ARHGDIB: variants seen among roughly 807,000 people sequenced by gnomAD.
The protein encoded by ARHGDIB is rho GDP-dissociation inhibitor 2.
ARHGDIB carries 20 observed loss-of-function variants against 22.6 expected under a neutral mutation model. The ratio of observed to expected loss-of-function variants is 0.88; its 90% CI spans 0.62 to 1.28. ARHGDIB has a LOEUF of 1.28. Among genes scored for constraint, ARHGDIB ranks in the 50% most tolerant of loss-of-function variants. The pLI is 0.00. For missense variants in ARHGDIB, 254 were observed against 245.4 expected (o/e 1.04, Z -0.23); for synonymous variants, 114 against 96.1 (o/e 1.19, Z -1.09).
chr12:14,951,825 T>A (rs982589097), intron 1 of ARHGDIB, among the ~76,000 whole-genome samples: 1 of 151,808 alleles, frequency 6.6e-6, no homozygotes, highest in Non-Finnish European at 1.5e-5. Flanking sequence ...AATGAACCAC[T>A]GGGGTTCATG....
Position 14,942,204 on chromosome 12 carries a change from A to T in ARHGDIB, c.*318T>A. 3.1e-6 allele frequency: 1 copy of T among 322,088 alleles called. No individual in the cohort carries two copies. Among genetic ancestry groups the T allele is most frequent in the East Asian group, 6.5e-5 (1 of 15,280 alleles). The allele number at this position is 322,088 out of a possible 1,614,324, so 20.0% of individuals were successfully genotyped here. A position where few individuals can be genotyped will look rare whatever the true frequency, so the allele number is the denominator to read the frequency against. On this transcript the variant is annotated 3_prime_UTR_variant, in exon 6 of 6. Transcript: ENST00000228945. ...CCTGAGTCAAAGACCTGTTAGTGATAATTTGCCCATTTTCTGGCCTCTAGT... is the reference window on the plus strand; with the variant it reads ...CCTGAGTCAAAGACCTGTTAGTGATTATTTGCCCATTTTCTGGCCTCTAGT...
chr12:14,945,131 A>G (rs1025434075), intron 4 of ARHGDIB, among the ~76,000 whole-genome samples: 9 of 152,260 alleles, frequency 5.9e-5, no homozygotes, highest in East Asian at 1.9e-4. Flanking sequence ...TCTTCATTGT[A>G]TTTCTCCTTT....
chr12:14,959,070 C>T (rs1253085253), intron 1 of ARHGDIB, among the ~76,000 whole-genome samples: 4 of 152,204 alleles, frequency 2.6e-5, no homozygotes, highest in African/African-American at 7.2e-5. Flanking sequence ...CTGCAGTGAG[C>T]TGCGTTCACG....
At chr12:14,957,825 G>C (rs1220389556) in intron 1 of ARHGDIB, among the ~76,000 whole-genome samples, 1 of 151,560 alleles carries the variant, frequency 6.6e-6, no homozygotes, top group African/African-American at 2.4e-5. Flanking sequence ...ATAGCGATGA[G>C]AGAGAGAGAA....
Position 14,944,771 on chromosome 12 carries a change from C to G in ARHGDIB, c.406+5G>C. 8.1e-6 allele frequency: 13 copies of G among 1,612,468 alleles called. No homozygotes were observed. Among genetic ancestry groups the G allele is most frequent in the Non-Finnish European group, 1.1e-5 (13 of 1,179,144 alleles). Reference sequence around the variant, plus strand: ...GGGACAGTGTGGAAATGTGGGTTCCCTTACCTTTCACCCCAGTCCTGTAGG... The same window carrying G: ...GGGACAGTGTGGAAATGTGGGTTCCGTTACCTTTCACCCCAGTCCTGTAGG... On this transcript the variant is annotated splice_donor_5th_base_variant and intron_variant, in intron 5 of 5. Transcript: ENST00000228945.
chr12:14,949,927 G>A, intron 2 of ARHGDIB, 42 bp from the exon 3 acceptor site: 11 of 1,544,558 alleles, frequency 7.1e-6, no homozygotes, highest in Non-Finnish European at 9.8e-6. Context: ...GAAGAGACAT[G>A]TGTATAGTGG....
rs930173782 is a variant in ARHGDIB at position 14,942,286 on chromosome 12, C to T, written c.*236G>A. ...AAATGATTGTGTACTGAGATGGAGA[C>T]GTGGAAGATCTGGCCCTGATGGAGG... On this transcript the variant is annotated 3_prime_UTR_variant, in exon 6 of 6. Transcript: ENST00000228945. The T allele has an allele frequency of 1.3e-5, 7 of 547,676 alleles. No individual in the cohort carries two copies. Among genetic ancestry groups the T allele is most frequent in the Admixed American group, 6.2e-5 (2 of 32,330 alleles). 33.9% of individuals were successfully genotyped at this position (547,676 alleles called of 1,614,324 possible). A position where few individuals can be genotyped will look rare whatever the true frequency, so the allele number is the denominator to read the frequency against.
At chr12:14,950,128 T>C (rs1177020480) in intron 2 of ARHGDIB, among the ~76,000 whole-genome samples, 1 of 152,166 alleles carries the variant, frequency 6.6e-6, no homozygotes, top group Non-Finnish European at 1.5e-5. Flanking sequence ...ATTTCCTGAA[T>C]GGCTATGGGT....
chr12:14,950,289 G>A (rs910016004), intron 2 of ARHGDIB, among the ~76,000 whole-genome samples: 5 of 152,110 alleles, frequency 3.3e-5, no homozygotes, highest in Non-Finnish European at 7.4e-5. Context: ...TGGTAGCCTG[G>A]AATTCTTTCT....
Position 14,949,900 on chromosome 12 carries a change from G to A in ARHGDIB, c.182-15C>T. 6.2e-7 allele frequency: 1 copy of A among 1,611,084 alleles called. No individual in the cohort carries two copies. On this transcript the variant is annotated splice_polypyrimidine_tract_variant and intron_variant, in intron 2 of 5. Transcript: ENST00000228945. ...GGCTTTCGGATCTGCAGGATCGAAA[G>A]GGAATGTAAGTACCAAGAAGAGACA...
chr12:14,959,574 C>CA (rs1162461570), intron 1 of ARHGDIB, among the ~76,000 whole-genome samples: 1 of 152,140 alleles, frequency 6.6e-6, no homozygotes, highest in Non-Finnish European at 1.5e-5. Context: ...TTCGACTCCC[C>CA]AGGGCTTCTC....
At chr12:14,945,897 C>A (rs1302361154) in intron 4 of ARHGDIB, among the ~76,000 whole-genome samples, 1 of 152,158 alleles carries the variant, frequency 6.6e-6, no homozygotes, top group African/African-American at 2.4e-5. Flanking sequence ...CCCAGGCTTT[C>A]TAATACTGTG....
At position 14,949,870 on chromosome 12, in the gene ARHGDIB, T is replaced by C. The variant is rs746429491; in HGVS notation, c.197A>G (p.Asn66Ser). 13 of 1,612,956 alleles carry C rather than the reference T, an allele frequency of 8.1e-6. No individual in the cohort carries two copies. The highest frequency in any genetic ancestry group is 5.0e-5 in the Admixed American group (3 of 59,922). The change falls in exon 3 of 6, where the codon AAT (asparagine) becomes AGT (serine). Residue 66 changes from asparagine to serine, a missense_variant. Physicochemically the swap from Asn to Ser is conservative, Grantham distance 46 (BLOSUM62 1). Coordinates refer to ENST00000228945, the MANE Select transcript of ARHGDIB (RefSeq NM_001175.7). ...CAGGGTGAGCCGGGTGACAACGACATTGGGGGCTTTCGGATCTGCAGGATC... is the reference window on the plus strand; with the variant it reads ...CAGGGTGAGCCGGGTGACAACGACACTGGGGGCTTTCGGATCTGCAGGATC... ...GPVVTDPKAP[N>S]VVVTRLTLVC...
intron 5 of ARHGDIB, 122 bp from the exon 6 acceptor site, chr12:14,942,843 T>C (rs911571817): frequency 1.1e-5 from 9 of 820,700 alleles, no homozygotes; most frequent in Non-Finnish European, 1.7e-5. Context: ...TTTCCAAGCC[T>C]AAATAAACAT....
intron 2 of ARHGDIB, among the ~76,000 whole-genome samples, chr12:14,950,219 G>A (rs1373013295): frequency 6.6e-6 from 1 of 152,138 alleles, no homozygotes; most frequent in African/African-American, 2.4e-5. Flanking sequence ...TGGAAGAGAT[G>A]AACGGTTAGG....
At chr12:14,945,463 A>G (rs541160288) in intron 4 of ARHGDIB, among the ~76,000 whole-genome samples, 27 of 152,376 alleles carry the variant, frequency 1.8e-4, no homozygotes, top group African/African-American at 6.5e-4. Flanking sequence ...AGCCTTTCAA[A>G]GAAAATTCAG....
intron 5 of ARHGDIB, 120 bp downstream of exon 5, chr12:14,944,656 G>A (rs781635402): frequency 2.4e-5 from 22 of 918,248 alleles, no homozygotes; most frequent in Middle Eastern, 4.6e-4. Flanking sequence ...TCCTAGAGCC[G>A]GCATCCACAG....
At chr12:14,943,978 T>C (rs1363078057) in intron 5 of ARHGDIB, among the ~76,000 whole-genome samples, 4 of 152,192 alleles carry the variant, frequency 2.6e-5, no homozygotes, top group Non-Finnish European at 5.9e-5. Flanking sequence ...AATGGTCTTC[T>C]CTGGGATTTG....
intron 1 of ARHGDIB, among the ~76,000 whole-genome samples, chr12:14,953,133 A>T (rs532134471): frequency 1.3e-5 from 2 of 152,280 alleles, no homozygotes; most frequent in South Asian, 4.2e-4. Flanking sequence ...ATTCATTGCA[A>T]ACAGATATAA....
Sources: gnomAD v4.1 joint callset for allele counts (sites outside exome capture counted in the v4.1 genomes callset) on GRCh38, gnomAD v4.1.1 for gene constraint, MANE v1.5 for transcripts, NCBI Gene and HGNC (gene_info 2026-07-23, HGNC 2026-07-21) for gene names.